SCAP: variants seen among roughly 807,000 people sequenced by gnomAD.
The protein encoded by SCAP is SREBF chaperone, also known as sterol regulatory element-binding protein cleavage-activating protein.
A neutral mutation model predicts 123.6 loss-of-function variants in SCAP; 65 were observed. That is an observed-to-expected ratio of 0.53 (90% CI 0.43 to 0.65). The LOEUF (loss-of-function observed/expected upper bound fraction) is 0.65. Among genes scored for constraint, SCAP ranks in the 30% least tolerant of loss-of-function variants. The pLI, the probability that SCAP is intolerant of heterozygous loss-of-function variation, is 0.00. For synonymous variants in SCAP, 740 were observed against 726.3 expected (o/e 1.02, Z -0.30); for missense variants, 1,398 against 1,712.5 (o/e 0.82, Z 3.24).
At chr3:47,427,089 G>A in intron 6 of SCAP, 68 bp downstream of exon 6, 2 of 1,113,038 alleles carry the variant, frequency 1.8e-6, no homozygotes, top group Non-Finnish European at 1.4e-6. Context: ...CTAACCAGAA[G>A]AGGGACTACT....
In SCAP at chr3:47,425,623, A is replaced by C. The variant is rs200087732; in HGVS notation, c.911-12T>G. On this transcript the variant is annotated splice_polypyrimidine_tract_variant and intron_variant, in intron 7 of 22. Transcript: ENST00000265565. Reference sequence around the variant, plus strand: ...CATGTCGATCTTCCCTGGAGGGCAGAGAGGGCGTATCAGGGCGGCCCCTCC... The same window carrying C: ...CATGTCGATCTTCCCTGGAGGGCAGCGAGGGCGTATCAGGGCGGCCCCTCC... 303 of 1,613,700 alleles carry C rather than the reference A, an allele frequency of 1.9e-4. 5 individuals carry two copies. The Admixed American group carries it at 4.5e-3, about 24-fold the overall frequency.
intron 1 of SCAP, among the ~76,000 whole-genome samples, chr3:47,473,464 C>T: frequency 6.6e-6 from 1 of 152,146 alleles, no homozygotes; most frequent in Non-Finnish European, 1.5e-5. Context: ...AGAGGTGTGG[C>T]AGACCTGGTT....
At chr3:47,453,524 T>C (rs545930434) in intron 1 of SCAP, among the ~76,000 whole-genome samples, 1 of 152,316 alleles carries the variant, frequency 6.6e-6, no homozygotes, top group South Asian at 2.1e-4. Flanking sequence ...CTGAAACCTC[T>C]TTCCAGCTTT....
chr3:47,419,780 G>C lies in SCAP; in HGVS notation c.1564-76C>G. ...GCAGCTTCAGCCCTCATGCTGAGAG[G>C]AAGCAGCACAGGGACCTCAGGCCTG... On this transcript the variant is annotated intron_variant, in intron 12 of 22. Coordinates refer to ENST00000265565, the MANE Select transcript of SCAP (RefSeq NM_012235.4). The surrounding 1 kb of genome is among the most constrained non-coding windows in gnomAD (Gnocchi z 5.0). The C allele has an allele frequency of 6.8e-7, 1 of 1,481,236 alleles. No individual in the cohort carries two copies. The highest frequency in any genetic ancestry group is 1.4e-5 in the South Asian group (1 of 70,666). The allele number at this position is 1,481,236 out of a possible 1,614,324, so 91.8% of individuals were successfully genotyped here.
intron 1 of SCAP, among the ~76,000 whole-genome samples, chr3:47,466,078 A>G (rs1707814994): frequency 6.7e-6 from 1 of 150,372 alleles, no homozygotes; most frequent in Non-Finnish European, 1.5e-5. Context: ...GTTTGCAGTG[A>G]GCCAAGATTG....
intron 2 of SCAP, among the ~76,000 whole-genome samples, chr3:47,438,380 T>G (rs938199017): frequency 1.5e-4 from 23 of 151,686 alleles, no homozygotes; most frequent in Admixed American, 7.3e-4. Flanking sequence ...AAGATAATAC[T>G]ACGGTCTGCC....
At position 47,427,634 on chromosome 3, in the gene SCAP, C is replaced by A; in HGVS notation, c.444G>T (p.Leu148=). ...SGIRSLEELC[L]QVTDLLPGLR... is the part of the protein sequence containing the mutation. ...GGCCTGGCAGCAGGTCGGTCACTTG[C>A]AGACACAACTCCTCCAAGCTCCTGA... The change falls in exon 5 of 23, where the codon CTG becomes CTT. Residue 148 remains leucine (L), a synonymous_variant. Transcript: ENST00000265565. 1.2e-6 allele frequency: 2 copies of A among 1,614,118 alleles called. No individual in the cohort carries two copies. The highest frequency in any genetic ancestry group is 2.2e-5 in the East Asian group (1 of 44,886).
In SCAP at chr3:47,418,542, G is replaced by A; in HGVS notation, c.2130-20C>T. On this transcript the variant is annotated intron_variant, in intron 14 of 22. Coordinates refer to ENST00000265565, the MANE Select transcript of SCAP (RefSeq NM_012235.4). The stretch of plus-strand genomic sequence containing the variant: ...GCCACCCTGCACGGGAGGGCGGACT[G>A]CTGTGAGACACACCTCACAGCCTGT... 6.4e-7 allele frequency: 1 copy of A among 1,574,432 alleles called. No homozygotes were observed. The highest frequency in any genetic ancestry group is 8.6e-7 in the Non-Finnish European group (1 of 1,160,466).
intron 1 of SCAP, among the ~76,000 whole-genome samples, chr3:47,444,265 G>A (rs1448159591): frequency 1.3e-5 from 2 of 152,040 alleles, no homozygotes; most frequent in African/African-American, 4.8e-5. Flanking sequence ...TGTGCTAGAG[G>A]GAACCTGCCC....
rs1304710555 is a variant in SCAP at position 47,439,725 on chromosome 3, C to T, written c.122+3147G>A. Among the ~76,000 whole-genome samples, 1 of 152,202 alleles carries T rather than the reference C, an allele frequency of 6.6e-6. No homozygotes were observed. Among genetic ancestry groups the T allele is most frequent in the Non-Finnish European group, 1.5e-5 (1 of 68,042 alleles). Reference sequence around the variant, plus strand: ...CTTGCCATAATGCCTATTTGCTACACATTTCATCAGATTTTCCCAGAGGAA... The same window carrying T: ...CTTGCCATAATGCCTATTTGCTACATATTTCATCAGATTTTCCCAGAGGAA... On this transcript the variant is annotated intron_variant, in intron 2 of 22. Transcript: ENST00000265565. This position sits in a 1 kb window ranked among gnomAD's most constrained non-coding sequence, Gnocchi z 4.0.
intron 4 of SCAP, 149 bp from the exon 5 acceptor site, chr3:47,427,816 G>A (rs1168704141): frequency 5.9e-6 from 4 of 679,142 alleles, no homozygotes; most frequent in African/African-American, 3.6e-5. Context: ...GCAGCAGGGG[G>A]AAGTACTTCC....
At position 47,427,590 on chromosome 3, in the gene SCAP, A is replaced by C; in HGVS notation, c.488T>G (p.Leu163Arg). The C allele has an allele frequency of 6.2e-7, 1 of 1,614,164 alleles. No individual in the cohort carries two copies. Among genetic ancestry groups the C allele is most frequent in the Non-Finnish European group, 8.5e-7 (1 of 1,180,014 alleles). The change falls in exon 5 of 23, where the codon CTA (leucine) becomes CGA (arginine). Residue 163 changes from leucine (L) to arginine (R), a missense_variant. Physicochemically the swap from Leu to Arg is moderately radical, Grantham distance 102. Around this residue, in one of 7 missense-constraint regions of SCAP, gnomAD observed 319 missense variants for 432.4 expected, o/e 0.74. Transcript: ENST00000265565. ...CAGCAGGCATCCATGCTCAGGGAGT[A>C]GGTTCCTGAGCTTCCTAAGGCCTGG... ...LLPGLRKLRNLLPEHGCLLLS... is the reference protein window; with the variant it reads ...LLPGLRKLRNRLPEHGCLLLS...
chr3:47,463,606 G>A (rs1707725221), intron 1 of SCAP, among the ~76,000 whole-genome samples: 4 of 152,102 alleles, frequency 2.6e-5, no homozygotes, highest in Admixed American at 6.5e-5. Context: ...ACTGAGGCAC[G>A]AGAATAACTT....
chr3:47,447,833 C>T (rs1159205887), intron 1 of SCAP, among the ~76,000 whole-genome samples: 1 of 151,696 alleles, frequency 6.6e-6, no homozygotes, highest in South Asian at 2.1e-4. Context: ...ACAGTGAAAC[C>T]CCGTCTCTAT....
chr3:47,447,179 G>A (rs919670602), intron 1 of SCAP, among the ~76,000 whole-genome samples: 4 of 152,102 alleles, frequency 2.6e-5, no homozygotes, highest in African/African-American at 7.2e-5. Context: ...CGAGGTGGGC[G>A]GATCGCTTGA....
chr3:47,470,073 G>A (rs946135247), intron 1 of SCAP: 1 of 230,750 alleles, frequency 4.3e-6, no homozygotes, highest in African/African-American at 2.3e-5. Context: ...CTACTTTTAA[G>A]TGTGTATACA....
At chr3:47,423,338 C>T (rs1168310834) in intron 9 of SCAP, among the ~76,000 whole-genome samples, 2 of 152,346 alleles carry the variant, frequency 1.3e-5, no homozygotes, top group South Asian at 4.1e-4. Flanking sequence ...GGCCAGCCCC[C>T]GGGGCTTGGG....
At chr3:47,423,188 G>C (rs1400811034) in intron 9 of SCAP, among the ~76,000 whole-genome samples, 1 of 152,202 alleles carries the variant, frequency 6.6e-6, no homozygotes, top group Non-Finnish European at 1.5e-5. Flanking sequence ...GGGTGACGAG[G>C]AAGAAGAGGC....
chr3:47,433,784 C>T (rs554064062), intron 3 of SCAP, among the ~76,000 whole-genome samples: 24 of 152,218 alleles, frequency 1.6e-4, no homozygotes, highest in African/African-American at 5.8e-4. Context: ...AGGAGAATCG[C>T]TTTCAACCCA....
Sources: gnomAD v4.1 joint callset for allele counts (sites outside exome capture counted in the v4.1 genomes callset) on GRCh38, gnomAD v4.1.1 for gene constraint, gnomAD v4.1.1 regional missense constraint, Gnocchi (gnomAD v3.1) non-coding constraint, MANE v1.5 for transcripts, NCBI Gene and HGNC (gene_info 2026-07-23, HGNC 2026-07-21) for gene names.